CCDC7: variants seen among roughly 807,000 people sequenced by gnomAD.
CCDC7 encodes coiled-coil domain-containing protein 7.
CCDC7 carries 183 observed loss-of-function variants against 196.9 expected under a neutral mutation model. The ratio of observed to expected loss-of-function variants is 0.93; its 90% CI spans 0.82 to 1.05. The LOEUF (loss-of-function observed/expected upper bound fraction) is 1.05. CCDC7 is among the 50% of genes least tolerant of loss of function. The probability of loss-of-function intolerance (pLI) is 0.00; values close to 1 mark genes in which losing one functional copy is unlikely to be tolerated. For missense variants in CCDC7, 1,540 were observed against 1,482.2 expected (o/e 1.04, Z -0.64); for synonymous variants, 525 against 484.6 (o/e 1.08, Z -1.10).
intron 21 of CCDC7, among the ~76,000 whole-genome samples, chr10:32,667,870 A>T (rs2073152661): frequency 2.6e-5 from 4 of 152,210 alleles, no homozygotes; most frequent in African/African-American, 9.6e-5. Flanking sequence ...TTGGTTCCAT[A>T]TGAACTTTAA....
chr10:32,620,956 T>A (rs886838940), intron 18 of CCDC7, among the ~76,000 whole-genome samples: 4 of 152,178 alleles, frequency 2.6e-5, no homozygotes, highest in African/African-American at 7.2e-5. Context: ...CTGAATTTAA[T>A]CTTGACATTG....
chr10:32,671,970 CAGTG>C (rs2074145065), intron 21 of CCDC7, among the ~76,000 whole-genome samples: 1 of 152,146 alleles, frequency 6.6e-6, no homozygotes, highest in African/African-American at 2.4e-5. Context: ...CTTTTTCTCT[CAGTG>C]AGGAAGTTTT....
At chr10:32,510,851 GTATC>G (rs1235252314) in intron 9 of CCDC7, among the ~76,000 whole-genome samples, 1 of 151,918 alleles carries the variant, frequency 6.6e-6, no homozygotes, top group African/African-American at 2.4e-5. Flanking sequence ...ACATGATAAA[GTATC>G]TATACAGAAA....
At chr10:32,834,743 C>T (rs2092469206) in intron 32 of CCDC7, 72 bp from the exon 34 acceptor site, 2 of 633,628 alleles carry the variant, frequency 3.2e-6, no homozygotes, top group Non-Finnish European at 5.8e-6. Context: ...TATACTATCA[C>T]ATACACACAG....
intron 15 of CCDC7, among the ~76,000 whole-genome samples, chr10:32,568,489 C>T (rs2057170692): frequency 1.3e-5 from 2 of 152,054 alleles, no homozygotes; most frequent in South Asian, 2.1e-4. Context: ...ACCTCAACTT[C>T]TTCCTGGAAA....
chr10:32,551,291 CT>C (rs1186480443), intron 13 of CCDC7, among the ~76,000 whole-genome samples: 1 of 151,988 alleles, frequency 6.6e-6, no homozygotes, highest in Non-Finnish European at 1.5e-5. Flanking sequence ...TTTCTCTCTT[CT>C]TTTCTCATTT....
chr10:32,863,269 TA>T (rs2094074326), intron 41 of CCDC7, among the ~76,000 whole-genome samples: 1 of 152,066 alleles, frequency 6.6e-6, no homozygotes, highest in Admixed American at 6.6e-5. Flanking sequence ...AAAGCTATAG[TA>T]ATCAAACTCA....
intron 20 of CCDC7, among the ~76,000 whole-genome samples, chr10:32,655,337 A>G (rs201501552): frequency 2.0e-5 from 3 of 152,234 alleles, no homozygotes; most frequent in East Asian, 1.9e-4. Flanking sequence ...CATATTTTCA[A>G]TTGCACCAAC....
At chr10:32,725,650 G>A (rs73261248) in intron 25 of CCDC7, among the ~76,000 whole-genome samples, 6,946 of 152,166 alleles carry the variant, frequency 0.046, 537 homozygotes, top group African/African-American at 0.16. Flanking sequence ...CTTCTGATGA[G>A]GCCTCAGGGA....
chr10:32,661,542 G>A (rs931196965), intron 20 of CCDC7, among the ~76,000 whole-genome samples: 3 of 152,098 alleles, frequency 2.0e-5, no homozygotes, highest in South Asian at 4.1e-4. Context: ...GCATACTACC[G>A]AGATCTTGCT....
intron 24 of CCDC7, among the ~76,000 whole-genome samples, chr10:32,710,255 C>T (rs1193960831): frequency 2.0e-5 from 3 of 152,160 alleles, no homozygotes; most frequent in Admixed American, 6.5e-5. Flanking sequence ...GAAAGCAATC[C>T]CAAAGGGCTC....
chr10:32,571,949 T>C, intron 16 of CCDC7, 56 bp downstream of exon 17: 1 of 1,444,834 alleles, frequency 6.9e-7, no homozygotes, highest in Admixed American at 2.5e-5. Flanking sequence ...TCAGTTCACA[T>C]ACCTAAGCAA....
intron 18 of CCDC7, among the ~76,000 whole-genome samples, chr10:32,609,473 C>A (rs1262576816): frequency 6.6e-6 from 1 of 152,022 alleles, no homozygotes; most frequent in African/African-American, 2.4e-5. Context: ...TAAATTCTAT[C>A]CTTTTACTTT....
chr10:32,552,476 CT>C (rs1449545665), intron 13 of CCDC7, among the ~76,000 whole-genome samples: 1 of 151,870 alleles, frequency 6.6e-6, no homozygotes, highest in Non-Finnish European at 1.5e-5. Flanking sequence ...TTGTTTTTTG[CT>C]TTTGCTTTTT....
chr10:32,880,433 C>G (rs909955971), downstream of CCDC7, among the ~76,000 whole-genome samples: 1 of 152,018 alleles, frequency 6.6e-6, no homozygotes, highest in Non-Finnish European at 1.5e-5. Context: ...CTTGTAGATT[C>G]TTTATGTTAG....
chr10:32,690,584 T>C, intron 23 of CCDC7, among the ~76,000 whole-genome samples: 1 of 152,220 alleles, frequency 6.6e-6, no homozygotes, highest in Non-Finnish European at 1.5e-5. Context: ...TGAGGGTGTG[T>C]ACAAGATCTA....
At chr10:32,692,169 C>T (rs755465619) in intron 23 of CCDC7, among the ~76,000 whole-genome samples, 1 of 152,154 alleles carries the variant, frequency 6.6e-6, no homozygotes, top group Non-Finnish European at 1.5e-5. Flanking sequence ...AGGCTGTCCA[C>T]CATTTTTAGG....
chr10:32,793,491 G>A (rs1285982837), intron 29 of CCDC7, among the ~76,000 whole-genome samples: 1 of 151,998 alleles, frequency 6.6e-6, no homozygotes, highest in African/African-American at 2.4e-5. Flanking sequence ...TTAGTCTTAT[G>A]TGTTTTGATA....
chr10:32,739,221 A>G (rs1287298467), intron 28 of CCDC7, among the ~76,000 whole-genome samples: 1 of 151,396 alleles, frequency 6.6e-6, no homozygotes, highest in Non-Finnish European at 1.5e-5. Context: ...TATTTCAAAT[A>G]TTTCTCTTTT....
Sources: allele counts gnomAD v4.1 joint callset (sites outside exome capture counted in the v4.1 genomes callset), GRCh38; gene constraint gnomAD v4.1.1; transcripts MANE v1.5; gene names NCBI Gene and HGNC (gene_info 2026-07-23, HGNC 2026-07-21).